LRRC4C: variants seen among roughly 807,000 people sequenced by gnomAD.
LRRC4C encodes leucine rich repeat containing 4C, also known as leucine-rich repeat-containing protein 4C.
Under a neutral mutation model 33.6 loss-of-function variants are expected in LRRC4C, and 5 were observed. The ratio of observed to expected loss-of-function variants is 0.15; its 90% CI spans 0.08 to 0.31. The LOEUF is 0.31. Ranked by LOEUF, LRRC4C falls within the 10% of genes least tolerant of loss-of-function variation. LRRC4C has a pLI of 1.00. For missense variants in LRRC4C, 560 were observed against 796.7 expected, an observed-to-expected ratio of 0.70 and a Z score of 3.58; for synonymous variants, 329 against 302.0, an observed-to-expected ratio of 1.09 and a Z score of -0.93.
chr11:40,458,715 A>C (rs1952248990), intron 3 of LRRC4C, among the ~76,000 whole-genome samples: 1 of 152,224 alleles, frequency 6.6e-6, no homozygotes, highest in African/African-American at 2.4e-5. Flanking sequence ...TACTGAAAGA[A>C]TAAGAGAATC....
intron 4 of LRRC4C, chr11:40,293,870 C>G (rs1329383552): frequency 6.6e-6 from 1 of 152,502 alleles, no homozygotes; most frequent in Non-Finnish European, 1.5e-5. Context: ...CGCCCTGGCT[C>G]ACGGCTCCCT....
rs541756554 is a variant in LRRC4C at position 40,338,312 on chromosome 11, A to T, written c.-269-18591T>A. ...GTTTTGGAGTCATTGAACTAAATAA[A>T]ATTAGTCAGATCCAATTTCTGCAGG... is the stretch of plus-strand genomic sequence containing the variant. On this transcript the variant is annotated intron_variant, in intron 3 of 6. Transcript: ENST00000528697. 3.3e-5 allele frequency among the ~76,000 whole-genome samples: 5 copies of T among 152,298 alleles called. No individual in the cohort carries two copies. The South Asian group carries it at 1.0e-3, about 32-fold the overall frequency.
At chr11:40,832,768 A>T (rs1952478025) in intron 2 of LRRC4C, among the ~76,000 whole-genome samples, 1 of 152,182 alleles carries the variant, frequency 6.6e-6, no homozygotes, top group East Asian at 1.9e-4. Context: ...ACTAAATTTG[A>T]CTTAAATGTA....
intron 1 of LRRC4C, among the ~76,000 whole-genome samples, chr11:40,952,889 CACACACACTCT>C (rs1555015374): frequency 1.9e-5 from 1 of 51,596 alleles, no homozygotes; most frequent in Non-Finnish European, 5.6e-5. Context: ...CACACACACA[CACACACACTCT>C]CTCTCTCTCT....
At chr11:41,233,181 A>G (rs1947876387) in intron 1 of LRRC4C, among the ~76,000 whole-genome samples, 2 of 152,072 alleles carry the variant, frequency 1.3e-5, no homozygotes, top group African/African-American at 4.8e-5. Flanking sequence ...CACTACTAGG[A>G]AAGATAATTC....
intron 6 of LRRC4C, among the ~76,000 whole-genome samples, chr11:40,134,448 G>T (rs989682894): frequency 6.6e-6 from 1 of 152,114 alleles, no homozygotes; most frequent in Non-Finnish European, 1.5e-5. Context: ...CATGTGATCA[G>T]AAATAGAAAG....
At chr11:40,527,659 G>C (rs1956107353) in intron 3 of LRRC4C, among the ~76,000 whole-genome samples, 1 of 152,096 alleles carries the variant, frequency 6.6e-6, no homozygotes, top group Non-Finnish European at 1.5e-5. Context: ...TTTGTCTTTG[G>C]AAAAGCTAAA....
rs73484623 is a variant in LRRC4C at position 41,057,603 on chromosome 11, C to T, written c.-495-123880G>A. On this transcript the variant is annotated intron_variant, in intron 1 of 6. Transcript: ENST00000528697. Reference sequence around the variant, plus strand: ...GACCAATAGGCATGCACTGCCTCCCCTCTGTGGCCCATAGAAGCCCTGGAC... The same window carrying T: ...GACCAATAGGCATGCACTGCCTCCCTTCTGTGGCCCATAGAAGCCCTGGAC... 5.9e-3 allele frequency among the ~76,000 whole-genome samples: 905 copies of T among 152,332 alleles called. 18 individuals are homozygous for T. The highest frequency in any genetic ancestry group is 0.021 in the African/African-American group (873 of 41,580).
Position 40,173,033 on chromosome 11 carries a change from T to C in LRRC4C, c.-95-32180A>G, listed in dbSNP as rs529895420. Among the ~76,000 whole-genome samples, 229 of 152,252 alleles carry C rather than the reference T, an allele frequency of 1.5e-3. 2 individuals carry two copies. The South Asian group carries it at 0.017, about 11-fold the overall frequency. The stretch of plus-strand genomic sequence containing the variant: ...AGTCATGAGACTGAAGCAGTACATC[T>C]ACAAGCCAAGATAATTGGCCAAGGA... On this transcript the variant is annotated intron_variant, in intron 5 of 6. Coordinates refer to ENST00000528697, the MANE Select transcript of LRRC4C (RefSeq NM_001258419.2).
chr11:40,579,861 G>T (rs148174103), intron 3 of LRRC4C, among the ~76,000 whole-genome samples: 10 of 152,094 alleles, frequency 6.6e-5, no homozygotes, highest in African/African-American at 2.2e-4. Context: ...CGCGATCTTC[G>T]CTCACTTCAA....
chr11:40,471,486 C>T (rs1052432855), intron 3 of LRRC4C, among the ~76,000 whole-genome samples: 1 of 152,124 alleles, frequency 6.6e-6, no homozygotes, highest in African/African-American at 2.4e-5. Context: ...AACTAACAGG[C>T]AAAATAACCA....
At chr11:40,545,699 G>C (rs1372951697) in intron 3 of LRRC4C, among the ~76,000 whole-genome samples, 1 of 152,042 alleles carries the variant, frequency 6.6e-6, no homozygotes, top group South Asian at 2.1e-4. Flanking sequence ...TAACCTCCAA[G>C]AGCCATTTTT....
At chr11:41,380,863 C>A (rs182707830) in intron 1 of LRRC4C, among the ~76,000 whole-genome samples, 10 of 152,250 alleles carry the variant, frequency 6.6e-5, no homozygotes, top group Admixed American at 4.6e-4. Context: ...AGGACTACAT[C>A]TGCAATGTCA....
chr11:41,186,554 A>G (rs1945703320), intron 1 of LRRC4C, among the ~76,000 whole-genome samples: 1 of 152,108 alleles, frequency 6.6e-6, no homozygotes, highest in South Asian at 2.1e-4. Flanking sequence ...TTAGATATTG[A>G]TATGTTGTGA....
At chr11:41,417,801 G>T (rs1038379035) in intron 1 of LRRC4C, among the ~76,000 whole-genome samples, 4 of 151,566 alleles carry the variant, frequency 2.6e-5, no homozygotes, top group Non-Finnish European at 4.4e-5. Flanking sequence ...TGTCCCTGAT[G>T]CTCATTTTTC....
intron 1 of LRRC4C, among the ~76,000 whole-genome samples, chr11:41,377,355 T>C (rs559756853): frequency 7.8e-4 from 119 of 152,256 alleles, no homozygotes; most frequent in African/African-American, 2.8e-3. Flanking sequence ...GAGGTTGTCT[T>C]TCCCAAGACC....
At chr11:40,715,639 C>T (rs1946669820) in intron 2 of LRRC4C, among the ~76,000 whole-genome samples, 1 of 152,180 alleles carries the variant, frequency 6.6e-6, no homozygotes, top group Non-Finnish European at 1.5e-5. Context: ...GGACATGCCA[C>T]ATATCCTTCA....
chr11:40,244,377 T>C (rs1866165359), intron 4 of LRRC4C, among the ~76,000 whole-genome samples: 1 of 152,038 alleles, frequency 6.6e-6, no homozygotes, highest in South Asian at 2.1e-4. Context: ...GAAGTTTCCT[T>C]ATCTAAAGCC....
In LRRC4C at chr11:40,331,762, G is replaced by C. The variant is rs566639443; in HGVS notation, c.-269-12041C>G. 2.6e-5 allele frequency among the ~76,000 whole-genome samples: 4 copies of C among 152,178 alleles called. 1 individual carries two copies. Among genetic ancestry groups the C allele is most frequent in the Admixed American group, 2.6e-4 (4 of 15,252 alleles). The stretch of plus-strand genomic sequence containing the variant: ...CTGGTTCATGGACCTTCAAACACTG[G>C]GACTTAACACCAGTTGCCCCAAACC... On this transcript the variant is annotated intron_variant, in intron 3 of 6. Coordinates refer to ENST00000528697, the MANE Select transcript of LRRC4C (RefSeq NM_001258419.2).
Sources: allele counts gnomAD v4.1 joint callset (sites outside exome capture counted in the v4.1 genomes callset), GRCh38; gene constraint gnomAD v4.1.1; transcripts MANE v1.5; gene names NCBI Gene and HGNC (gene_info 2026-07-23, HGNC 2026-07-21).